The following CA10 variants were observed in gnomAD, a reference collection of about 807,000 sequenced individuals.
CA10 encodes carbonic anhydrase 10 (inactive).
Under a neutral mutation model 44.2 loss-of-function variants are expected in CA10, and 14 were observed. The ratio of observed to expected loss-of-function variants is 0.32; its 90% confidence interval spans 0.21 to 0.50. The LOEUF is 0.50. Among genes scored for constraint, CA10 ranks in the 20% least tolerant of loss-of-function variants. The pLI is 0.99. For missense variants in CA10, 350 were observed against 409.7 expected, an observed-to-expected ratio of 0.85 and a Z score of 1.26; for synonymous variants, 159 against 141.6, an observed-to-expected ratio of 1.12 and a Z score of -0.87.
chr17:51,982,607 C>G (rs1160227510), intron 2 of CA10, among the ~76,000 whole-genome samples: 1 of 151,874 alleles, frequency 6.6e-6, no homozygotes, highest in Non-Finnish European at 1.5e-5. Context: ...GTGGTCAAGA[C>G]TCCTTTATGT....
intron 3 of CA10, among the ~76,000 whole-genome samples, chr17:51,766,557 C>G: frequency 6.6e-6 from 1 of 152,106 alleles, no homozygotes; most frequent in African/African-American, 2.4e-5. Flanking sequence ...GCTGTGGTTT[C>G]CTTAGCTGAC....
intron 3 of CA10, among the ~76,000 whole-genome samples, chr17:51,842,447 T>G (rs1167850517): frequency 2.6e-5 from 4 of 152,166 alleles, no homozygotes; most frequent in African/African-American, 9.7e-5. Flanking sequence ...TGTTTATCCA[T>G]TAAACACTAC....
intron 4 of CA10, among the ~76,000 whole-genome samples, chr17:51,667,568 C>CAAAAAAAAAA (rs35051892): frequency 6.8e-6 from 1 of 146,084 alleles, no homozygotes; most frequent in Non-Finnish European, 1.5e-5. Context: ...GCTGAGCAAG[C>CAAAAAAAAAA]AAAAAAAAAA....
chr17:52,075,708 T>C (rs1987800266), intron 1 of CA10, among the ~76,000 whole-genome samples: 1 of 152,110 alleles, frequency 6.6e-6, no homozygotes, highest in African/African-American at 2.4e-5. Context: ...ATTTCCAAAA[T>C]ATTCCCCCAG....
intron 3 of CA10, among the ~76,000 whole-genome samples, chr17:51,775,971 G>A (rs1905802336): frequency 6.6e-6 from 1 of 152,128 alleles, no homozygotes; most frequent in African/African-American, 2.4e-5. Context: ...AGGATCTTGT[G>A]GGTCAGATTG....
chr17:51,675,317 T>G (rs1032406207), intron 4 of CA10, among the ~76,000 whole-genome samples: 5 of 152,124 alleles, frequency 3.3e-5, no homozygotes, highest in Non-Finnish European at 1.5e-5. Context: ...CCTAGCACTT[T>G]GGGAGGCCAA....
intron 4 of CA10, among the ~76,000 whole-genome samples, chr17:51,704,612 T>A (rs1432931264): frequency 1.3e-5 from 2 of 152,202 alleles, no homozygotes; most frequent in Non-Finnish European, 2.9e-5. Flanking sequence ...GTCTCCTCTG[T>A]CCACCTTGCC....
intron 2 of CA10, among the ~76,000 whole-genome samples, chr17:52,025,449 A>G (rs1986270744): frequency 6.6e-6 from 1 of 151,896 alleles, no homozygotes; most frequent in African/African-American, 2.4e-5. Flanking sequence ...GAGAAACAGC[A>G]CATACTTCAG....
intron 4 of CA10, among the ~76,000 whole-genome samples, chr17:51,732,730 A>C (rs1273345154): frequency 6.6e-6 from 1 of 152,190 alleles, no homozygotes; most frequent in Non-Finnish European, 1.5e-5. Context: ...TTCTTTGGAG[A>C]ATGTGGAATT....
chr17:51,645,784 C>T (rs1320562106), intron 6 of CA10, among the ~76,000 whole-genome samples: 2 of 152,224 alleles, frequency 1.3e-5, no homozygotes, highest in Non-Finnish European at 2.9e-5. Context: ...TGGATACTTG[C>T]TCTTCTACTA....
intron 3 of CA10, among the ~76,000 whole-genome samples, chr17:51,832,507 G>T (rs1908319823): frequency 6.6e-6 from 1 of 152,174 alleles, no homozygotes; most frequent in Admixed American, 6.5e-5. Context: ...TGACTCAAAG[G>T]CTTAAAGATG....
intron 3 of CA10, among the ~76,000 whole-genome samples, chr17:51,821,350 C>T (rs958294430): frequency 1.1e-4 from 16 of 151,706 alleles, no homozygotes; most frequent in African/African-American, 3.6e-4. Flanking sequence ...CAATATTGAA[C>T]GACCATCCAC....
At chr17:51,977,252 C>T (rs1296383963) in intron 2 of CA10, among the ~76,000 whole-genome samples, 3 of 151,852 alleles carry the variant, frequency 2.0e-5, no homozygotes, top group Middle Eastern at 3.4e-3. Flanking sequence ...AAATCCTGAC[C>T]AATACCTCTC....
chr17:51,928,496 T>C (rs1476693021), intron 3 of CA10, among the ~76,000 whole-genome samples: 1 of 152,134 alleles, frequency 6.6e-6, no homozygotes, highest in Non-Finnish European at 1.5e-5. Flanking sequence ...ATAAACATAG[T>C]AACGCAAGTC....
At chr17:51,638,096 G>A (rs1043723739) in intron 6 of CA10, among the ~76,000 whole-genome samples, 3 of 152,190 alleles carry the variant, frequency 2.0e-5, no homozygotes, top group African/African-American at 4.8e-5. Context: ...GAAATTGCTC[G>A]TTCAGCCTTC....
At chr17:52,064,148 C>T (rs1987468374) in intron 2 of CA10, among the ~76,000 whole-genome samples, 1 of 152,168 alleles carries the variant, frequency 6.6e-6, no homozygotes, top group African/African-American at 2.4e-5. Flanking sequence ...GCTTATTCAG[C>T]AGTGGCAGGC....
At chr17:51,780,759 G>A in intron 3 of CA10, among the ~76,000 whole-genome samples, 1 of 152,190 alleles carries the variant, frequency 6.6e-6, no homozygotes, top group East Asian at 1.9e-4. Context: ...TTATGTCCTG[G>A]TGAAAGAAAT....
At chr17:51,654,609 TGC>T (rs1913718556) in intron 4 of CA10, among the ~76,000 whole-genome samples, 1 of 151,518 alleles carries the variant, frequency 6.6e-6, no homozygotes, top group Non-Finnish European at 1.5e-5. Flanking sequence ...CAGGCTGGAG[TGC>T]AGTGGCGCGA....
chr17:51,739,097 G>C (rs1904357195), intron 4 of CA10, among the ~76,000 whole-genome samples: 1 of 152,116 alleles, frequency 6.6e-6, no homozygotes, highest in South Asian at 2.1e-4. Flanking sequence ...CTGGAAGTGA[G>C]AGATGTGACC....
Sources: allele counts gnomAD v4.1 joint callset (sites outside exome capture counted in the v4.1 genomes callset), GRCh38; gene constraint gnomAD v4.1.1; transcripts MANE v1.5; gene names NCBI Gene and HGNC (gene_info 2026-07-23, HGNC 2026-07-21).